MAPK10: variants seen among roughly 807,000 people sequenced by gnomAD.
The protein encoded by MAPK10 is mitogen-activated protein kinase 10.
A neutral mutation model predicts 59.3 loss-of-function variants in MAPK10; 25 were observed. The observed-to-expected ratio is 0.42, with a 90% CI of 0.31 to 0.59. MAPK10 has a LOEUF of 0.59. Among genes scored for constraint, MAPK10 ranks in the 20% least tolerant of loss-of-function variants. The probability of loss-of-function intolerance (pLI) is 0.15; values close to 1 mark genes in which losing one functional copy is unlikely to be tolerated. For synonymous variants in MAPK10, 190 were observed against 200.5 expected (o/e 0.95, Z 0.44); for missense variants, 351 against 568.9 (o/e 0.62, Z 3.90).
intron 4 of MAPK10, among the ~76,000 whole-genome samples, chr4:86,151,027 A>G (rs2066321780): frequency 6.6e-6 from 1 of 152,140 alleles, no homozygotes; most frequent in African/African-American, 2.4e-5. Context: ...GAATTTGGTG[A>G]GAGGTCGTCC....
intron 2 of MAPK10, among the ~76,000 whole-genome samples, chr4:86,289,462 G>A (rs971948259): frequency 6.6e-6 from 1 of 151,848 alleles, no homozygotes; most frequent in Non-Finnish European, 1.5e-5. Flanking sequence ...AGGAAATTAG[G>A]AGACAGTTTC....
intron 1 of MAPK10, among the ~76,000 whole-genome samples, chr4:86,444,347 G>C (rs916249084): frequency 1.3e-5 from 2 of 152,040 alleles, no homozygotes; most frequent in Non-Finnish European, 2.9e-5. Flanking sequence ...AAATAGTGCT[G>C]GCAGAACTGG....
At chr4:86,393,933 A>G (rs1742568043) in intron 1 of MAPK10, among the ~76,000 whole-genome samples, 3 of 152,224 alleles carry the variant, frequency 2.0e-5, no homozygotes, top group Admixed American at 1.3e-4. Context: ...TTAAGAGCAT[A>G]ACACTTAAAC....
intron 2 of MAPK10, among the ~76,000 whole-genome samples, chr4:86,337,058 G>T (rs1392258460): frequency 6.6e-6 from 1 of 152,002 alleles, no homozygotes. Context: ...CAAAGTGCTG[G>T]GATTACAGGC....
intron 1 of MAPK10, among the ~76,000 whole-genome samples, chr4:86,441,818 C>T (rs1215008027): frequency 6.6e-6 from 1 of 152,142 alleles, no homozygotes; most frequent in Non-Finnish European, 1.5e-5. Flanking sequence ...CCCTATTGTC[C>T]CCATGGAAGC....
chr4:86,179,562 C>T (rs1431015929), intron 3 of MAPK10, among the ~76,000 whole-genome samples: 4 of 152,002 alleles, frequency 2.6e-5, no homozygotes, highest in African/African-American at 4.8e-5. Context: ...ACAAAAAGAA[C>T]AAAGCTAAAG....
At chr4:86,362,173 C>A (rs1430592369), upstream of MAPK10, among the ~76,000 whole-genome samples, 3 of 151,874 alleles carry the variant, frequency 2.0e-5, no homozygotes, top group African/African-American at 4.8e-5. Context: ...TTGTCAATTA[C>A]AAATAAAATA....
rs188167885 is a variant in MAPK10 at position 86,373,034 on chromosome 4, T to C, written c.-121-18390A>G. 6.4e-3 allele frequency among the ~76,000 whole-genome samples: 973 copies of C among 152,114 alleles called. 7 individuals are homozygous for C. Among genetic ancestry groups the C allele is most frequent in the African/African-American group, 0.021 (871 of 41,514 alleles). ...TACTACAAGGCTACAGTAACCAAAA[T>C]GGCATGGTAGTGGTACCAAAACAGA... On this transcript the variant is annotated intron_variant, in intron 1 of 13. Coordinates refer to the MAPK10 transcript ENST00000361569.
intron 4 of MAPK10, chr4:86,125,056 T>C (rs1000776985): frequency 6.6e-6 from 1 of 151,996 alleles, no homozygotes; most frequent in Non-Finnish European, 1.5e-5. Flanking sequence ...GAATTAAAAA[T>C]ATTTTCAATT....
chr4:86,021,795 C>T (rs887074465), intron 13 of MAPK10, among the ~76,000 whole-genome samples: 4 of 152,226 alleles, frequency 2.6e-5, no homozygotes, highest in Non-Finnish European at 4.4e-5. Context: ...AGCACAGCGC[C>T]GGTGGGCCGG....
At chr4:86,361,059 AT>A (rs1177249449), upstream of MAPK10, among the ~76,000 whole-genome samples, 10 of 152,278 alleles carry the variant, frequency 6.6e-5, no homozygotes, top group East Asian at 1.9e-3. Flanking sequence ...GTTGTAAATG[AT>A]TCCACATTAT....
intron 1 of MAPK10, among the ~76,000 whole-genome samples, chr4:86,593,443 A>G (rs1232051289): frequency 1.3e-5 from 2 of 152,222 alleles, no homozygotes; most frequent in East Asian, 3.8e-4. Context: ...TCTCTTGTTT[A>G]ACTATTGAAA....
rs545927145 is a variant in MAPK10 at position 86,553,339 on chromosome 4, T to C, written c.-263+40571A>G. On this transcript the variant is annotated intron_variant, in intron 1 of 4. Coordinates refer to the MAPK10 transcript ENST00000502302. ...GTTTTAGTTGTTGTTCACTCTCCTC[T>C]GGAAGGGAGGAGAAAGGATAAAAGA... 1.4e-4 allele frequency among the ~76,000 whole-genome samples: 21 copies of C among 152,188 alleles called. No homozygotes were observed. The South Asian group carries it at 4.4e-3, about 32-fold the overall frequency.
chr4:86,368,367 T>C (rs981913885), intron 1 of MAPK10, among the ~76,000 whole-genome samples: 4 of 152,204 alleles, frequency 2.6e-5, no homozygotes, highest in African/African-American at 9.6e-5. Context: ...TGATACATTA[T>C]TAACTAAAAT....
chr4:86,098,613 G>A lies in MAPK10; in HGVS notation c.731-18C>T, dbSNP rs760971616. The A allele has an allele frequency of 2.5e-6, 4 of 1,580,678 alleles. No individual in the cohort carries two copies. Among genetic ancestry groups the A allele is most frequent in the East Asian group, 2.2e-5 (1 of 44,694 alleles). ...TATATCCACTAGAACAGGAGAGAGA[G>A]GGTAGTGAAGAAAAGGGAGGAAAGT... is the stretch of plus-strand genomic sequence containing the variant. On this transcript the variant is annotated intron_variant, in intron 8 of 13. Transcript: ENST00000641462.
At chr4:86,244,945 T>C (rs2092984896) in intron 2 of MAPK10, among the ~76,000 whole-genome samples, 1 of 152,248 alleles carries the variant, frequency 6.6e-6, no homozygotes. Context: ...ATATTTCCTA[T>C]GTTACACTTT....
At chr4:86,077,606 T>C (rs1470155393) in intron 9 of MAPK10, among the ~76,000 whole-genome samples, 1 of 152,228 alleles carries the variant, frequency 6.6e-6, no homozygotes, top group Non-Finnish European at 1.5e-5. Context: ...TTGCTTTTTG[T>C]TACTATGAAT....
At chr4:86,501,850 G>A (rs1755359411) in intron 1 of MAPK10, among the ~76,000 whole-genome samples, 3 of 151,974 alleles carry the variant, frequency 2.0e-5, no homozygotes, top group Admixed American at 2.0e-4. Context: ...TTCCAATTTG[G>A]TTAATTTGAG....
intron 12 of MAPK10, 77 bp downstream of exon 12, chr4:86,031,291 T>C: frequency 9.6e-7 from 1 of 1,046,060 alleles, no homozygotes; most frequent in Non-Finnish European, 1.5e-6. Flanking sequence ...AGTAAATTGT[T>C]TTACAAGGAA....
Sources: gnomAD v4.1 joint callset for allele counts (sites outside exome capture counted in the v4.1 genomes callset) on GRCh38, gnomAD v4.1.1 for gene constraint, MANE v1.5 for transcripts, NCBI Gene and HGNC (gene_info 2026-07-23, HGNC 2026-07-21) for gene names.